Variants in FRMD6 observed in about 807,000 individuals in gnomAD.
FRMD6 encodes the protein FERM domain containing 6, also known as FERM domain-containing protein 6.
A neutral mutation model predicts 73.2 loss-of-function variants in FRMD6; 37 were observed. The observed-to-expected ratio is 0.51, with a 90% confidence interval of 0.39 to 0.66. The LOEUF is 0.66. Ranked by LOEUF, FRMD6 falls within the 30% of genes least tolerant of loss-of-function variation. FRMD6 has a pLI of 0.00. For missense variants in FRMD6, 714 were observed against 780.5 expected (o/e 0.91, Z 1.02); for synonymous variants, 273 against 282.2 (o/e 0.97, Z 0.33).
chr14:51,457,472 G>C, the FRMD6 span, among the ~76,000 whole-genome samples: 14 of 152,230 alleles, frequency 9.2e-5, no homozygotes, highest in Non-Finnish European at 1.6e-4. Context: ...GTGATTTCAG[G>C]TCCTTGCTTT....
At chr14:51,400,257 A>G in the FRMD6 span, among the ~76,000 whole-genome samples, 1 of 152,144 alleles carries the variant, frequency 6.6e-6, no homozygotes, top group Non-Finnish European at 1.5e-5. Flanking sequence ...CCTTTGACCA[A>G]TGTCTTTCCT....
chr14:51,596,416 C>T (rs373347110), intron 2 of FRMD6, among the ~76,000 whole-genome samples: 4 of 152,212 alleles, frequency 2.6e-5, no homozygotes, highest in African/African-American at 9.6e-5. Context: ...CTATTATAAG[C>T]TGATACCTAC....
chr14:51,722,075 A>T lies in FRMD6; in HGVS notation c.1487A>T (p.His496Leu). The T allele has an allele frequency of 3.1e-6, 5 of 1,614,016 alleles. No individual in the cohort carries two copies. Among genetic ancestry groups the T allele is most frequent in the Non-Finnish European group, 4.2e-6 (5 of 1,179,960 alleles). The change falls in exon 12 of 14, where the codon CAC becomes CTC. Residue 496 changes from histidine to leucine, a missense_variant. His to Leu is a moderately conservative substitution (Grantham distance 99). Transcript: ENST00000344768. ...CTCATGTCGCGGAAGCTGAATGGAC[A>T]CTCTGGTGAGCTCTTACGGGAAGTT... ...DMLMSRKLNGHSGLIVKEIGS... is the reference protein window; with the variant it reads ...DMLMSRKLNGLSGLIVKEIGS...
chr14:51,572,122 A>G (rs2139596809), intron 2 of FRMD6, among the ~76,000 whole-genome samples: 1 of 152,392 alleles, frequency 6.6e-6, no homozygotes, highest in South Asian at 2.1e-4. Context: ...GTGATAAAAT[A>G]TGGAAAAGCA....
intron 1 of FRMD6, among the ~76,000 whole-genome samples, chr14:51,670,723 G>A (rs1893944948): frequency 6.6e-6 from 1 of 151,018 alleles, no homozygotes; most frequent in East Asian, 1.9e-4. Context: ...TTGGCTCACT[G>A]CAACCTCCAC....
chr14:51,579,787 C>T (rs1596646648), intron 2 of FRMD6, among the ~76,000 whole-genome samples: 1 of 152,146 alleles, frequency 6.6e-6, no homozygotes, highest in Admixed American at 6.5e-5. Flanking sequence ...GCAACTTGAT[C>T]ATTGATTTCC....
the FRMD6 span, among the ~76,000 whole-genome samples, chr14:51,456,152 T>A: frequency 6.6e-6 from 1 of 152,230 alleles, no homozygotes; most frequent in Admixed American, 6.5e-5. Context: ...TTTTTTCTTT[T>A]AAATTTTTTT....
chr14:51,508,586 C>G (rs1346319730), intron 1 of FRMD6, among the ~76,000 whole-genome samples: 1 of 152,132 alleles, frequency 6.6e-6, no homozygotes, highest in Non-Finnish European at 1.5e-5. Context: ...GTCCTGAAAA[C>G]TCATTCAGTT....
rs556586898 is a variant in FRMD6 at position 51,536,413 on chromosome 14, T to A, written c.-209-33935T>A. 2.7e-5 allele frequency among the ~76,000 whole-genome samples: 4 copies of A among 149,582 alleles called. No homozygotes were observed. In the South Asian group the frequency reaches 6.4e-4, roughly 24 times the overall value. Reference sequence around the variant, plus strand: ...TGGCCTCTTGCCCATATTTTTAATTTATTTATTTATTTTATTTTTTTTAGA... The same window carrying A: ...TGGCCTCTTGCCCATATTTTTAATTAATTTATTTATTTTATTTTTTTTAGA... On this transcript the variant is annotated intron_variant, in intron 1 of 14. Transcript: ENST00000356218.
intron 2 of FRMD6, among the ~76,000 whole-genome samples, chr14:51,587,711 C>T (rs1194583999): frequency 6.6e-6 from 1 of 152,116 alleles, no homozygotes; most frequent in Non-Finnish European, 1.5e-5. Flanking sequence ...TGGGGTTGTG[C>T]AGACCCATCT....
intron 1 of FRMD6, among the ~76,000 whole-genome samples, chr14:51,518,399 A>T (rs1202817206): frequency 6.6e-6 from 1 of 152,200 alleles, no homozygotes; most frequent in Non-Finnish European, 1.5e-5. Context: ...AGTCCCAGCT[A>T]GTCCACTTTG....
At chr14:51,539,914 A>G (rs906060440) in intron 1 of FRMD6, among the ~76,000 whole-genome samples, 1 of 152,172 alleles carries the variant, frequency 6.6e-6, no homozygotes, top group South Asian at 2.1e-4. Context: ...CTCTAACAAA[A>G]ATAGGGAAAT....
chr14:51,509,548 C>CA (rs757010582), intron 1 of FRMD6, among the ~76,000 whole-genome samples: 1 of 151,918 alleles, frequency 6.6e-6, no homozygotes, highest in Non-Finnish European at 1.5e-5. Flanking sequence ...CAAAACAAAA[C>CA]AAAACAAAAC....
intron 1 of FRMD6, among the ~76,000 whole-genome samples, chr14:51,652,481 G>T (rs573953904): frequency 6.6e-6 from 1 of 152,214 alleles, no homozygotes; most frequent in Non-Finnish European, 1.5e-5. Flanking sequence ...TGGGCGCCGG[G>T]ACTAGCACCC....
At chr14:51,581,101 A>C (rs1888697659) in intron 2 of FRMD6, among the ~76,000 whole-genome samples, 1 of 152,194 alleles carries the variant, frequency 6.6e-6, no homozygotes, top group Non-Finnish European at 1.5e-5. Flanking sequence ...GTGGCCCCAG[A>C]GTCTTTCTGC....
the FRMD6 span, among the ~76,000 whole-genome samples, chr14:51,423,996 G>A: frequency 3.3e-5 from 5 of 152,322 alleles, 1 homozygote; most frequent in Non-Finnish European, 7.3e-5. Flanking sequence ...GTGAATGAAA[G>A]AGTATTGCAT....
chr14:51,708,028 T>A (rs1483345181), intron 6 of FRMD6, 50 bp from the exon 7 acceptor site: 2 of 1,587,776 alleles, frequency 1.3e-6, no homozygotes. Context: ...GGGGTAGAAC[T>A]TACATCTCTC....
chr14:51,467,112 C>G, the FRMD6 span, among the ~76,000 whole-genome samples: 1 of 152,100 alleles, frequency 6.6e-6, no homozygotes, highest in African/African-American at 2.4e-5. Context: ...GAGGGCCCTG[C>G]CGCCTTCCGC....
At position 51,729,752 on chromosome 14, in the gene FRMD6, T is replaced by C. The variant is rs1468104751; in HGVS notation, c.*1723T>C. 1 of 152,680 alleles carries C rather than the reference T, an allele frequency of 6.5e-6. No individual in the cohort carries two copies. The highest frequency in any genetic ancestry group is 2.4e-5 in the African/African-American group (1 of 41,456). 9.5% of individuals were successfully genotyped at this position (152,680 alleles called of 1,614,324 possible). Reference sequence around the variant, plus strand: ...ACAAATGGTGAGCTGGAACATGCCCTGTCTGTGCTGTCCCTCCTGTGCTGG... The same window carrying C: ...ACAAATGGTGAGCTGGAACATGCCCCGTCTGTGCTGTCCCTCCTGTGCTGG... On this transcript the variant is annotated 3_prime_UTR_variant, in exon 14 of 14. Transcript: ENST00000344768.
Sources: gnomAD v4.1 joint callset for allele counts (sites outside exome capture counted in the v4.1 genomes callset) on GRCh38, gnomAD v4.1.1 for gene constraint, MANE v1.5 for transcripts, NCBI Gene and HGNC (gene_info 2026-07-23, HGNC 2026-07-21) for gene names.